Variants in NLGN4X observed in about 807,000 individuals in gnomAD.
NLGN4X encodes the protein neuroligin-4, X-linked.
Under a neutral mutation model 40.3 loss-of-function variants are expected in NLGN4X, and 3 were observed. The observed-to-expected ratio is 0.07, with a 90% CI of 0.03 to 0.19. The LOEUF (loss-of-function observed/expected upper bound fraction) is 0.19, where lower values mean the gene tolerates loss of function less well. Among genes scored for constraint, NLGN4X ranks in the 10% least tolerant of loss-of-function variants. NLGN4X has a pLI of 1.00. For synonymous variants in NLGN4X, 270 were observed against 306.8 expected (o/e 0.88, Z 1.25); for missense variants, 382 against 708.3 (o/e 0.54, Z 5.23).
chrX:5,978,336 CTT>C lies in NLGN4X; in HGVS notation c.625+50942_625+50943del, dbSNP rs1375071139. ...TCTTTCTTTCTTTCTTTCTTTCTTT[CTT>C]TCTTTCCCTTCCTTCTCTTTCTTTC... is the stretch of plus-strand genomic sequence containing the variant. On this transcript the variant is annotated intron_variant, in intron 3 of 5. Coordinates refer to ENST00000381095, the MANE Select transcript of NLGN4X (RefSeq NM_181332.3). Among the ~76,000 whole-genome samples, 11 of 21,018 alleles carry C rather than the reference CTT, an allele frequency of 5.2e-4. No homozygotes were observed. In the East Asian group the frequency reaches 0.014, roughly 28 times the overall value. 18.3% of individuals were successfully genotyped at this position (21,018 alleles called of 115,157 possible).
intron 1 of NLGN4X, among the ~76,000 whole-genome samples, chrX:6,223,783 A>AT (rs1201276845): frequency 8.9e-6 from 1 of 112,873 alleles, no homozygotes; most frequent in Non-Finnish European, 1.9e-5. Flanking sequence ...TGTATCTTTG[A>AT]TTTAAAACTG....
At chrX:5,939,628 AAT>A (rs1478339641) in intron 3 of NLGN4X, among the ~76,000 whole-genome samples, 3 of 111,992 alleles carry the variant, frequency 2.7e-5, no homozygotes, top group Non-Finnish European at 5.6e-5. Flanking sequence ...GTCTTATAAA[AAT>A]ATGTGTAAGA....
chrX:5,933,755 C>T (rs1479411039), intron 3 of NLGN4X, among the ~76,000 whole-genome samples: 1 of 111,098 alleles, frequency 9.0e-6, no homozygotes, highest in African/African-American at 3.3e-5. Flanking sequence ...AAATAAGCAT[C>T]GGTAAAATTA....
intron 3 of NLGN4X, among the ~76,000 whole-genome samples, chrX:6,016,937 A>T (rs1376758144): frequency 8.9e-6 from 1 of 111,794 alleles, no homozygotes; most frequent in Non-Finnish European, 1.9e-5. Flanking sequence ...AGACAGGTAG[A>T]TAGTTAGTGG....
chrX:6,161,772 AAG>A (rs1055680096), intron 1 of NLGN4X, among the ~76,000 whole-genome samples: 2 of 110,080 alleles, frequency 1.8e-5, no homozygotes, highest in African/African-American at 6.6e-5. Context: ...AATACGTGGA[AAG>A]AGAGAGAGGG....
intron 3 of NLGN4X, among the ~76,000 whole-genome samples, chrX:6,021,880 G>C (rs2036568434): frequency 9.1e-6 from 1 of 110,149 alleles, no homozygotes; most frequent in African/African-American, 3.3e-5. Flanking sequence ...AACTCCCCAG[G>C]CTGGCTTTAC....
chrX:6,170,352 A>T lies in NLGN4X; in HGVS notation c.-305-18581T>A, dbSNP rs770239105. ...TAGAATCCCTAAGGAGAATTGAAAAATTTCACTGCCCAGTCTGCATTGCAG... is the reference window on the plus strand; with the variant it reads ...TAGAATCCCTAAGGAGAATTGAAAATTTTCACTGCCCAGTCTGCATTGCAG... On this transcript the variant is annotated intron_variant, in intron 1 of 5. Coordinates refer to ENST00000381095, the MANE Select transcript of NLGN4X (RefSeq NM_181332.3). Among the ~76,000 whole-genome samples, 11 of 112,187 alleles carry T rather than the reference A, an allele frequency of 9.8e-5. No individual in the cohort carries two copies. In the Middle Eastern group the frequency reaches 0.014, roughly 142 times the overall value.
chrX:6,210,266 G>T (rs995571042), intron 1 of NLGN4X, among the ~76,000 whole-genome samples: 1 of 103,868 alleles, frequency 9.6e-6, no homozygotes, highest in Non-Finnish European at 1.9e-5. Context: ...GTGTGTGTGT[G>T]TGTGTGTGTA....
rs767967928 is a variant in NLGN4X, at chrX:5,908,305, A to G, written c.811+749T>C. On this transcript the variant is annotated intron_variant, in intron 4 of 5. Coordinates refer to ENST00000381095, the MANE Select transcript of NLGN4X (RefSeq NM_181332.3). ...CCAGAATCTACTTCTAAATGAATGC[A>G]CCAGACGTGTTTCAATATTTCCAGA... Among the ~76,000 whole-genome samples, 198 of 110,686 alleles carry G rather than the reference A, an allele frequency of 1.8e-3. 1 individual carries two copies. The highest frequency in any genetic ancestry group is 5.5e-3 in the African/African-American group (168 of 30,424).
intron 3 of NLGN4X, among the ~76,000 whole-genome samples, chrX:5,942,925 T>C (rs768300719): frequency 2.3e-4 from 26 of 111,239 alleles, no homozygotes; most frequent in Non-Finnish European, 4.0e-4. Context: ...CTCGTTCCCC[T>C]GGTTATTAAA....
Position 5,890,840 on chromosome X carries a change from CT to C in NLGN4X, c.*1976del, listed in dbSNP as rs1191375155. 6 of 311,801 alleles carry C rather than the reference CT, an allele frequency of 1.9e-5. No homozygotes were observed. The highest frequency in any genetic ancestry group is 1.1e-4 in the African/African-American group (4 of 36,740). The allele number at this position is 311,801 out of a possible 1,213,427, so 25.7% of individuals were successfully genotyped here. A position where few individuals can be genotyped will look rare whatever the true frequency, so the allele number is the denominator to read the frequency against. ...TGTACGCATTTCTAAAAACACTTTT[CT>C]TTTTTCTAGAGGTCACTCTCAAACA... On this transcript the variant is annotated 3_prime_UTR_variant, in exon 6 of 6. Coordinates refer to ENST00000381095, the MANE Select transcript of NLGN4X (RefSeq NM_181332.3).
chrX:6,159,523 T>C (rs1003150799), intron 1 of NLGN4X, among the ~76,000 whole-genome samples: 6 of 111,823 alleles, frequency 5.4e-5, no homozygotes, highest in Non-Finnish European at 7.5e-5. Context: ...GAAGGGAAAA[T>C]ATAAACTGTT....
chrX:6,217,212 T>C (rs766095559), intron 1 of NLGN4X, among the ~76,000 whole-genome samples: 1 of 112,391 alleles, frequency 8.9e-6, no homozygotes, highest in East Asian at 2.8e-4. Flanking sequence ...ATGTGTATTT[T>C]ACATATACAA....
intron 1 of NLGN4X, among the ~76,000 whole-genome samples, chrX:6,208,569 T>C (rs759952576): frequency 8.9e-6 from 1 of 112,087 alleles, no homozygotes; most frequent in African/African-American, 3.2e-5. Flanking sequence ...AGTATACACG[T>C]CGGGGCTACT....
chrX:6,191,409 G>C (rs993499565), intron 1 of NLGN4X, among the ~76,000 whole-genome samples: 2 of 111,673 alleles, frequency 1.8e-5, no homozygotes, highest in East Asian at 5.7e-4. Context: ...GCTCTAAAGG[G>C]GGCTTGATCC....
intron 3 of NLGN4X, among the ~76,000 whole-genome samples, chrX:5,968,670 G>T (rs944035012): frequency 9.3e-6 from 1 of 107,609 alleles, no homozygotes; most frequent in Non-Finnish European, 1.9e-5. Context: ...AAACAAATGT[G>T]CATTTTTAAT....
chrX:5,922,094 T>A (rs145940864), intron 3 of NLGN4X, among the ~76,000 whole-genome samples: 1,947 of 111,843 alleles, frequency 0.017, 47 homozygotes, highest in African/African-American at 0.059. Context: ...CCGGAAATAC[T>A]AATCCCAGAA....
chrX:5,913,098 A>AG (rs201632322), intron 3 of NLGN4X, among the ~76,000 whole-genome samples: 1,546 of 108,314 alleles, frequency 0.014, 46 homozygotes, highest in African/African-American at 0.049. Flanking sequence ...AGGGAAGGAA[A>AG]GAAGGAAGGC....
At chrX:6,181,912 G>A (rs1026534017) in intron 1 of NLGN4X, among the ~76,000 whole-genome samples, 5 of 111,814 alleles carry the variant, frequency 4.5e-5, no homozygotes, top group African/African-American at 1.6e-4. Flanking sequence ...AGAGGAAAGA[G>A]GGTTATCATG....
Sources: gnomAD v4.1 joint callset for allele counts (sites outside exome capture counted in the v4.1 genomes callset) on GRCh38, gnomAD v4.1.1 for gene constraint, MANE v1.5 for transcripts, NCBI Gene and HGNC (gene_info 2026-07-23, HGNC 2026-07-21) for gene names.